The following VIM variants were observed in gnomAD, a reference collection of about 807,000 sequenced individuals.
The protein encoded by VIM is vimentin, also known as epididymis secretory sperm binding protein.
VIM carries 18 observed loss-of-function variants against 50.3 expected under a neutral mutation model. The observed-to-expected ratio is 0.36, with a 90% CI of 0.25 to 0.53. The LOEUF (loss-of-function observed/expected upper bound fraction) is 0.53, where lower values mean the gene tolerates loss of function less well. Among genes scored for constraint, VIM ranks in the 20% least tolerant of loss-of-function variants. The pLI, the probability that VIM is intolerant of heterozygous loss-of-function variation, is 0.91. For missense variants in VIM, 551 were observed against 614.7 expected, an observed-to-expected ratio of 0.90 and a Z score of 1.10; for synonymous variants, 245 against 248.5, an observed-to-expected ratio of 0.99 and a Z score of 0.13.
intron 3 of VIM, among the ~76,000 whole-genome samples, chr10:17,232,936 A>T (rs768460359): frequency 6.6e-6 from 1 of 152,246 alleles, no homozygotes; most frequent in Non-Finnish European, 1.5e-5. Context: ...TTTAAAAAGT[A>T]ATTAAATTAA....
In VIM at chr10:17,235,029, G is replaced by A. The variant is rs942605626; in HGVS notation, c.1009-140G>A. 16 of 1,169,864 alleles carry A rather than the reference G, an allele frequency of 1.4e-5. No homozygotes were observed. The African/African-American group carries it at 1.7e-4, about 12-fold the overall frequency. 72.5% of individuals were successfully genotyped at this position (1,169,864 alleles called of 1,614,324 possible). A position where few individuals can be genotyped will look rare whatever the true frequency, so the allele number is the denominator to read the frequency against. On this transcript the variant is annotated intron_variant, in intron 6 of 9. Coordinates refer to ENST00000544301, the MANE Select transcript of VIM (RefSeq NM_003380.5). ...CATTGCTTCTAATATGAAGGACTTG[G>A]TACTCGCATTCTCCACCTAAAATTA...
rs150878383 is a variant in VIM at position 17,233,846 on chromosome 10, C to A, written c.797C>A (p.Thr266Lys). Reference protein sequence around the residue: ...IDVDVSKPDLTAALRDVRQQY... With the variant: ...IDVDVSKPDLKAALRDVRQQY... ...GTGGATGTTTCCAAGCCTGACCTCA[C>A]GGCTGCCCTGCGTGACGTACGTCAG... The change falls in exon 5 of 10, where the codon ACG (threonine) becomes AAG (lysine). Residue 266 changes from threonine to lysine, a missense_variant. Thr to Lys is a moderately conservative substitution (Grantham distance 78). Around this residue, in one of 3 missense-constraint regions of VIM, gnomAD observed 394 missense variants for 437.5 expected, o/e 0.90. Transcript: ENST00000544301. 1.2e-6 allele frequency: 2 copies of A among 1,614,182 alleles called. No individual in the cohort carries two copies. The highest frequency in any genetic ancestry group is 1.7e-6 in the Non-Finnish European group (2 of 1,180,042).
Position 17,235,319 on chromosome 10 carries a change from C to T in VIM, c.1159C>T (p.Leu387Phe). 1 of 1,614,204 alleles carries T rather than the reference C, an allele frequency of 6.2e-7. No homozygotes were observed. The highest frequency in any genetic ancestry group is 8.5e-7 in the Non-Finnish European group (1 of 1,180,048). Reference protein sequence around the residue: ...ARHLREYQDLLNVKMALDIEI... With the variant: ...ARHLREYQDLFNVKMALDIEI... ...TCACCTTCGTGAATACCAAGACCTG[C>T]TCAATGTTAAGATGGCCCTTGACAT... The change falls in exon 7 of 10, where the codon CTC becomes TTC. Residue 387 changes from leucine (L) to phenylalanine (F), a missense_variant. Leu to Phe is a conservative substitution (Grantham distance 22, BLOSUM62 0). Around this residue, in one of 3 missense-constraint regions of VIM, gnomAD observed 394 missense variants for 437.5 expected, o/e 0.90. Coordinates refer to ENST00000544301, the MANE Select transcript of VIM (RefSeq NM_003380.5).
chr10:17,229,149 A>ACCCCCCCCC lies in VIM; in HGVS notation c.-147-124_-147-123insCCCCCCCCC. ...GAAGGCTCGAGGGCGCCCCCACCCC[A>ACCCCCCCCC]CCCGCCCACCCTCCCCGCTTCTCGC... On this transcript the variant is annotated intron_variant, in intron 1 of 9. Coordinates refer to ENST00000544301, the MANE Select transcript of VIM (RefSeq NM_003380.5). The ACCCCCCCCC allele has an allele frequency of 1.3e-5, 2 of 154,162 alleles. 1 individual carries two copies. The highest frequency in any genetic ancestry group is 2.5e-5 in the Non-Finnish European group (2 of 80,554). 9.5% of individuals were successfully genotyped at this position (154,162 alleles called of 1,614,324 possible).
intron 2 of VIM, 92 bp from the exon 3 acceptor site, chr10:17,230,558 G>A: frequency 1.4e-6 from 2 of 1,386,130 alleles, no homozygotes; most frequent in Non-Finnish European, 2.1e-6. Context: ...AGCTGCTCTG[G>A]AGGCGCAGAG....
intron 3 of VIM, among the ~76,000 whole-genome samples, chr10:17,231,649 C>T (rs955443860): frequency 2.6e-5 from 4 of 152,176 alleles, no homozygotes; most frequent in Non-Finnish European, 5.9e-5. Flanking sequence ...AAGCATACCT[C>T]ACATTTTAAA....
chr10:17,237,134 A>G lies in VIM; in HGVS notation c.1360-96A>G. The G allele has an allele frequency of 6.2e-6, 7 of 1,128,498 alleles. 1 individual carries two copies. In the South Asian group the frequency reaches 8.3e-5, roughly 13 times the overall value. 69.9% of individuals were successfully genotyped at this position (1,128,498 alleles called of 1,614,324 possible). On this transcript the variant is annotated intron_variant, in intron 9 of 9. Coordinates refer to ENST00000544301, the MANE Select transcript of VIM (RefSeq NM_003380.5). ...CCTTCTGATTTGCACAATAAATTAC[A>G]TATATTTAGCAGGATTTTTATTTGC...
chr10:17,233,405 G>C (rs1846829198), intron 3 of VIM, 182 bp from the exon 4 acceptor site: 1 of 617,240 alleles, frequency 1.6e-6, no homozygotes, highest in Non-Finnish European at 2.9e-6. Flanking sequence ...TAGTGAGCAG[G>C]AGAAAGCACA....
At chr10:17,230,347 G>C (rs529197835) in intron 2 of VIM, 1 of 569,374 alleles carries the variant, frequency 1.8e-6, no homozygotes, top group Admixed American at 3.1e-5. Context: ...GCCAATCACC[G>C]GGCGGGAGAA....
intron 2 of VIM, chr10:17,230,396 G>A (rs1388093821): frequency 1.7e-6 from 1 of 587,794 alleles, no homozygotes; most frequent in African/African-American, 1.9e-5. Flanking sequence ...GAGACAAAGG[G>A]ATGGTCCCTC....
At chr10:17,233,091 G>A in intron 3 of VIM, 1 of 206,462 alleles carries the variant, frequency 4.8e-6, no homozygotes, top group East Asian at 1.3e-4. Context: ...GGGACTACAG[G>A]CATGTGCCAC....
At chr10:17,232,584 A>C (rs1033737907) in intron 3 of VIM, among the ~76,000 whole-genome samples, 14 of 152,234 alleles carry the variant, frequency 9.2e-5, no homozygotes, top group Non-Finnish European at 1.5e-4. Context: ...TAGAAGAAAA[A>C]TCCACCAGAG....
At position 17,236,375 on chromosome 10, in the gene VIM, G is replaced by A. The variant is rs757220075; in HGVS notation, c.1355G>A (p.Gly452Glu). ...LLIKTVETRD[G>E]QVINETSQHH... is the part of the protein sequence containing the mutation. ...ATTAAGACGGTTGAAACTAGAGATGGACAGGTTGGTATCTTTTAAGGAAAA... is the reference window on the plus strand; with the variant it reads ...ATTAAGACGGTTGAAACTAGAGATGAACAGGTTGGTATCTTTTAAGGAAAA... Residue 452 changes from glycine to glutamate, a missense_variant, in exon 9 of 10, where the codon GGA (glycine) becomes GAA (glutamate). This residue lies in a region of VIM where 394 missense variants were observed against 437.5 expected (regional missense o/e 0.90). Coordinates refer to ENST00000544301, the MANE Select transcript of VIM (RefSeq NM_003380.5). 1 of 1,610,780 alleles carries A rather than the reference G, an allele frequency of 6.2e-7. No individual in the cohort carries two copies. The highest frequency in any genetic ancestry group is 8.5e-7 in the Non-Finnish European group (1 of 1,177,036).
Position 17,229,789 on chromosome 10 carries a change from T to G in VIM, c.367T>G (p.Phe123Val). The change falls in exon 2 of 10, where the codon TTC becomes GTC. Residue 123 changes from phenylalanine to valine, a missense_variant. Transcript: ENST00000544301. ...CGCCAACTACATCGACAAGGTGCGC[T>G]TCCTGGAGCAGCAGAATAAGATCCT... ...RFANYIDKVRFLEQQNKILLA... is the reference protein window; with the variant it reads ...RFANYIDKVRVLEQQNKILLA... The G allele has an allele frequency of 6.3e-7, 1 of 1,594,318 alleles. No homozygotes were observed. Among genetic ancestry groups the G allele is most frequent in the Non-Finnish European group, 8.5e-7 (1 of 1,170,296 alleles).
intron 1 of VIM, chr10:17,228,810 CTCTT>C (rs1178009683): frequency 6.5e-6 from 1 of 154,210 alleles, no homozygotes; most frequent in African/African-American, 2.4e-5. Flanking sequence ...ATCTCAGGCG[CTCTT>C]TGTTTCTTTC....
chr10:17,233,497 A>C (rs1846830556), intron 3 of VIM, 90 bp from the exon 4 acceptor site: 2 of 1,283,550 alleles, frequency 1.6e-6, no homozygotes, highest in Non-Finnish European at 2.2e-6. Context: ...TAAGGAGACT[A>C]GGTTCAGATG....
At chr10:17,233,526 A>T (rs1469499262) in intron 3 of VIM, 61 bp from the exon 4 acceptor site, 27 of 1,527,850 alleles carry the variant, frequency 1.8e-5, no homozygotes, top group Non-Finnish European at 2.4e-5. Flanking sequence ...AAGACAAATA[A>T]ATGAGATAAG....
intron 9 of VIM, 59 bp from the exon 10 acceptor site, chr10:17,237,171 G>C: frequency 1.4e-6 from 2 of 1,416,954 alleles, no homozygotes; most frequent in Non-Finnish European, 2.0e-6. Flanking sequence ...GTGATATATA[G>C]GATAATTTAG....
intron 2 of VIM, chr10:17,230,396 GA>G: frequency 1.7e-6 from 1 of 587,912 alleles, no homozygotes. Flanking sequence ...GAGACAAAGG[GA>G]TGGTCCCTCG....
Sources: gnomAD v4.1 joint callset for allele counts (sites outside exome capture counted in the v4.1 genomes callset) on GRCh38, gnomAD v4.1.1 for gene constraint, gnomAD v4.1.1 regional missense constraint, MANE v1.5 for transcripts, NCBI Gene and HGNC (gene_info 2026-07-23, HGNC 2026-07-21) for gene names.